Variants in RGS6 observed in about 807,000 individuals in gnomAD.
The protein encoded by RGS6 is regulator of G-protein signaling 6.
In RGS6, 30 loss-of-function variants were observed where a neutral mutation model predicts 78.5. The ratio of observed to expected loss-of-function variants is 0.38; its 90% CI spans 0.29 to 0.52. The LOEUF is 0.52. Among genes scored for constraint, RGS6 ranks in the 20% least tolerant of loss-of-function variants. The pLI, the probability that RGS6 is intolerant of heterozygous loss-of-function variation, is 0.85. For missense variants in RGS6, 495 were observed against 609.7 expected (o/e 0.81, Z 1.98); for synonymous variants, 206 against 206.0 (o/e 1.00, Z 0.00).
intron 3 of RGS6, among the ~76,000 whole-genome samples, chr14:72,425,710 T>C (rs2094406964): frequency 6.6e-6 from 1 of 152,234 alleles, no homozygotes; most frequent in African/African-American, 2.4e-5. Context: ...GAGGATAATT[T>C]GGTTCAACAT....
At chr14:71,879,270 A>G in the RGS6 span, among the ~76,000 whole-genome samples, 1 of 152,242 alleles carries the variant, frequency 6.6e-6, no homozygotes, top group Non-Finnish European at 1.5e-5. Flanking sequence ...CTGTATTTAG[A>G]AATGAAAGAA....
intron 2 of RGS6, among the ~76,000 whole-genome samples, chr14:72,212,041 G>T (rs1322262992): frequency 6.6e-6 from 1 of 152,194 alleles, no homozygotes; most frequent in East Asian, 1.9e-4. Flanking sequence ...TGTCACCAAA[G>T]AAACTAGCAT....
the RGS6 span, among the ~76,000 whole-genome samples, chr14:72,580,034 A>G: frequency 2.0e-5 from 3 of 152,360 alleles, no homozygotes; most frequent in East Asian, 5.8e-4. Context: ...AGCCTCTTAA[A>G]TTGGAAGACA....
chr14:72,359,476 A>T lies in RGS6; in HGVS notation c.184+7282A>T, dbSNP rs148604124. On this transcript the variant is annotated intron_variant, in intron 3 of 17. Transcript: ENST00000553525. ...CCTATTAGACATTCAGTTGGAGATG[A>T]CAAGTAAGTATTCCAGTATGTGGAT... 2.8e-3 allele frequency among the ~76,000 whole-genome samples: 429 copies of T among 152,298 alleles called. 2 individuals are homozygous for T. Among genetic ancestry groups the T allele is most frequent in the African/African-American group, 9.9e-3 (411 of 41,554 alleles).
intron 2 of RGS6, among the ~76,000 whole-genome samples, chr14:71,983,278 A>G (rs1339695350): frequency 2.0e-5 from 3 of 152,192 alleles, no homozygotes; most frequent in Non-Finnish European, 4.4e-5. Flanking sequence ...AAATACCTCT[A>G]CGTATGAAAT....
At chr14:72,278,146 G>A (rs1052894349) in intron 2 of RGS6, among the ~76,000 whole-genome samples, 1 of 152,038 alleles carries the variant, frequency 6.6e-6, no homozygotes, top group African/African-American at 2.4e-5. Flanking sequence ...CAGATTATTC[G>A]GGTGTTTGAA....
intron 15 of RGS6, among the ~76,000 whole-genome samples, chr14:72,533,869 G>T (rs2097212257): frequency 2.0e-5 from 3 of 152,212 alleles, no homozygotes; most frequent in Admixed American, 1.3e-4. Flanking sequence ...GTGGTTTCTT[G>T]AGATGGAATC....
intron 2 of RGS6, among the ~76,000 whole-genome samples, chr14:72,033,887 C>T (rs555553199): frequency 2.3e-4 from 35 of 152,206 alleles, no homozygotes; most frequent in African/African-American, 7.9e-4. Flanking sequence ...GTTTCTTCAC[C>T]TCTTCACCAA....
At chr14:72,488,435 A>G (rs951401290) in intron 12 of RGS6, among the ~76,000 whole-genome samples, 2 of 152,246 alleles carry the variant, frequency 1.3e-5, no homozygotes, top group Admixed American at 6.5e-5. Flanking sequence ...TGGGCTCTCA[A>G]CCACATTCTC....
chr14:72,518,064 C>T (rs2096976962), intron 14 of RGS6, among the ~76,000 whole-genome samples: 1 of 152,168 alleles, frequency 6.6e-6, no homozygotes, highest in African/African-American at 2.4e-5. Context: ...CCTGAAGTGG[C>T]AATAGTGCTG....
At chr14:71,873,821 AG>A in the RGS6 span, among the ~76,000 whole-genome samples, 1 of 152,196 alleles carries the variant, frequency 6.6e-6, no homozygotes, top group Non-Finnish European at 1.5e-5. Context: ...TTTTTGTTTA[AG>A]ATGTAAAGAA....
At chr14:72,267,964 C>T (rs927570525) in intron 2 of RGS6, among the ~76,000 whole-genome samples, 2 of 152,336 alleles carry the variant, frequency 1.3e-5, no homozygotes, top group African/African-American at 4.8e-5. Flanking sequence ...CACACTCGCA[C>T]ACTCACTCAC....
At chr14:72,410,845 T>C (rs1228990428) in intron 3 of RGS6, among the ~76,000 whole-genome samples, 18 of 152,356 alleles carry the variant, frequency 1.2e-4, no homozygotes, top group Non-Finnish European at 1.5e-5. Context: ...CCATTTCTTC[T>C]TTTTGTCAGG....
the RGS6 span, among the ~76,000 whole-genome samples, chr14:72,585,603 A>T: frequency 6.6e-6 from 1 of 152,222 alleles, no homozygotes; most frequent in South Asian, 2.1e-4. Flanking sequence ...TTGACCAGTC[A>T]TTGGATGTGG....
At chr14:72,409,795 T>C (rs1762809971) in intron 3 of RGS6, among the ~76,000 whole-genome samples, 1 of 152,108 alleles carries the variant, frequency 6.6e-6, no homozygotes, top group Admixed American at 6.6e-5. Context: ...TTCCCACCTG[T>C]GAGTGAGAAC....
chr14:72,000,590 A>G (rs986388113), intron 2 of RGS6, among the ~76,000 whole-genome samples: 12 of 152,316 alleles, frequency 7.9e-5, no homozygotes, highest in Middle Eastern at 3.4e-3. Context: ...AGGAGAACCC[A>G]GGAGACAAAG....
At chr14:72,106,405 T>C (rs772212275) in intron 2 of RGS6, among the ~76,000 whole-genome samples, 1 of 152,182 alleles carries the variant, frequency 6.6e-6, no homozygotes, top group Non-Finnish European at 1.5e-5. Flanking sequence ...TTTAACAGGC[T>C]CTTCCGAAGC....
At chr14:72,097,677 T>TC (rs2095437166) in intron 2 of RGS6, among the ~76,000 whole-genome samples, 1 of 152,074 alleles carries the variant, frequency 6.6e-6, no homozygotes. Context: ...ACACCCTTCC[T>TC]CCCCCTCCTC....
chr14:72,160,978 C>A (rs557558856), intron 2 of RGS6, among the ~76,000 whole-genome samples: 1 of 152,284 alleles, frequency 6.6e-6, no homozygotes, highest in African/African-American at 2.4e-5. Context: ...ATAGTGAAGA[C>A]TTGGAACCAA....
Sources: allele counts gnomAD v4.1 joint callset (sites outside exome capture counted in the v4.1 genomes callset), GRCh38; gene constraint gnomAD v4.1.1; transcripts MANE v1.5; gene names NCBI Gene and HGNC (gene_info 2026-07-23, HGNC 2026-07-21).